The following CHTF18 variants were observed in gnomAD, a reference collection of about 807,000 sequenced individuals.
CHTF18 encodes the protein chromosome transmission fidelity protein 18 homolog.
In CHTF18, 151 loss-of-function variants were observed where a neutral mutation model predicts 113.4. The observed-to-expected ratio is 1.33, with a 90% confidence interval of 1.17 to 1.52. The LOEUF (loss-of-function observed/expected upper bound fraction) is 1.52, where lower values mean the gene tolerates loss of function less well. Among genes scored for constraint, CHTF18 ranks in the 40% most tolerant of loss-of-function variants. The pLI is 0.00. For synonymous variants in CHTF18, 916 were observed against 598.8 expected (o/e 1.53, Z -7.74); for missense variants, 1,982 against 1,381.6 (o/e 1.43, Z -6.89).
Position 791,202 on chromosome 16 carries a change from C to T in CHTF18, c.936C>T (p.Asp312=). Residue 312 remains aspartate, a synonymous_variant, in exon 8 of 22, where the codon GAC becomes GAT. Coordinates refer to ENST00000262315, the MANE Select transcript of CHTF18 (RefSeq NM_022092.3). The part of the protein sequence containing the change: ...RCLLKWLKLW[D]LVVFGHERPS... ...TGCTCAAGTGGCTGAAGTTGTGGGACCTGGTGGTGTTTGGCCACGAGAGGC... is the reference window on the plus strand; with the variant it reads ...TGCTCAAGTGGCTGAAGTTGTGGGATCTGGTGGTGTTTGGCCACGAGAGGC... 1 of 1,611,746 alleles carries T rather than the reference C, an allele frequency of 6.2e-7. No individual in the cohort carries two copies. The highest frequency in any genetic ancestry group is 8.5e-7 in the Non-Finnish European group (1 of 1,179,580).
At chr16:797,650 G>A (rs1368501015) in intron 20 of CHTF18, 44 bp from the exon 21 acceptor site, 2 of 1,600,460 alleles carry the variant, frequency 1.2e-6, no homozygotes, top group Admixed American at 1.7e-5. Flanking sequence ...GGGGCTGGAT[G>A]GGGCATCTGT....
chr16:788,987 C>T lies in CHTF18; in HGVS notation c.148C>T (p.Arg50Trp). 2.6e-6 allele frequency: 4 copies of T among 1,563,828 alleles called. No individual in the cohort carries two copies. The highest frequency in any genetic ancestry group is 1.8e-5 in the Admixed American group (1 of 55,232). Reference sequence around the variant, plus strand: ...CCTGTTCACCGCGGGCCGACCCCCGCGGACGTTCGAGGAGGCCCTTGCCAG... The same window carrying T: ...CCTGTTCACCGCGGGCCGACCCCCGTGGACGTTCGAGGAGGCCCTTGCCAG... ...VPLFTAGRPP[R>W]TFEEALARGD... Residue 50 changes from arginine (R) to tryptophan (W), a missense_variant, in exon 2 of 22, where the codon CGG becomes TGG. Transcript: ENST00000262315.
chr16:793,052 C>T lies in CHTF18; in HGVS notation c.1659C>T (p.Ile553=). 6.5e-7 allele frequency: 1 copy of T among 1,541,658 alleles called. No individual in the cohort carries two copies. The highest frequency in any genetic ancestry group is 8.8e-7 in the Non-Finnish European group (1 of 1,139,528). ...EKTDNDIRAC[I]NTLQFLYSRG... ...CTGACAATGACATCCGGGCCTGCAT[C>T]AACACCCTGCAGGTGGGCGGCCGGC... Residue 553 remains isoleucine (I), a synonymous_variant, in exon 13 of 22, where the codon ATC becomes ATT. Coordinates refer to ENST00000262315, the MANE Select transcript of CHTF18 (RefSeq NM_022092.3).
Position 791,314 on chromosome 16 carries a change from G to A in CHTF18, c.1048G>A (p.Val350Met). 2 of 1,610,454 alleles carry A rather than the reference G, an allele frequency of 1.2e-6. No homozygotes were observed. Among genetic ancestry groups the A allele is most frequent in the Middle Eastern group, 1.7e-4 (1 of 5,946 alleles). The change falls in exon 8 of 22, where the codon GTG (valine) becomes ATG (methionine). Residue 350 changes from valine (V) to methionine (M), a missense_variant. Transcript: ENST00000262315. ...AGGCAAGTGGAAGAGCCACGAACAG[G>A]TGCTGGAGGAGATGCTGGAGGCTGG... ...APGKWKSHEQ[V>M]LEEMLEAGLD... is the part of the protein sequence containing the mutation.
Position 798,022 on chromosome 16 carries a change from A to G in CHTF18, c.*47A>G. 6.3e-7 allele frequency: 1 copy of G among 1,576,646 alleles called. No homozygotes were observed. The highest frequency in any genetic ancestry group is 8.6e-7 in the Non-Finnish European group (1 of 1,160,024). On this transcript the variant is annotated 3_prime_UTR_variant, in exon 22 of 22. Transcript: ENST00000262315. ...CCTCGCATTGCTTCCCGCAGAGTGCAGAGACAGGAAGCTGGAGATGTCTTT... is the reference window on the plus strand; with the variant it reads ...CCTCGCATTGCTTCCCGCAGAGTGCGGAGACAGGAAGCTGGAGATGTCTTT...
Position 797,749 on chromosome 16 carries a change from C to G in CHTF18, c.2789C>G (p.Ala930Gly). The G allele has an allele frequency of 1.3e-6, 2 of 1,575,406 alleles. No homozygotes were observed. The highest frequency in any genetic ancestry group is 1.7e-6 in the Non-Finnish European group (2 of 1,169,782). ...VVVRSTAVPS[A>G]GDTAPEQDSV... Reference sequence around the variant, plus strand: ...GTCAGGAGCACAGCAGTCCCGAGTGCAGGTGTGTGTGGGGGTGTTGTGGGG... The same window carrying G: ...GTCAGGAGCACAGCAGTCCCGAGTGGAGGTGTGTGTGGGGGTGTTGTGGGG... Residue 930 changes from alanine (A) to glycine (G), a missense_variant and splice_region_variant, in exon 21 of 22, where the codon GCA becomes GGA. Ala to Gly is a moderately conservative substitution (Grantham distance 60). Transcript: ENST00000262315.
rs371218247 is a variant in CHTF18, at chr16:790,589, G to T, written c.817G>T (p.Gly273Cys). Reference protein sequence around the residue: ...LGAPEEEPTDGQDASSHCLWV... With the variant: ...LGAPEEEPTDCQDASSHCLWV... ...GGCCCCTGAGGAGGAGCCGACTGAC[G>T]GTCAAGACGCCTCCAGTCACTGCCT... is the stretch of plus-strand genomic sequence containing the variant. Residue 273 changes from glycine to cysteine, a missense_variant, in exon 7 of 22, where the codon GGT (glycine) becomes TGT (cysteine). Coordinates refer to ENST00000262315, the MANE Select transcript of CHTF18 (RefSeq NM_022092.3). 5 of 1,597,086 alleles carry T rather than the reference G, an allele frequency of 3.1e-6. No individual in the cohort carries two copies. Among genetic ancestry groups the T allele is most frequent in the South Asian group, 2.3e-5 (2 of 88,482 alleles).
rs2042359724 is a variant in CHTF18 at position 796,765 on chromosome 16, C to T, written c.2505C>T (p.Pro835=). 5 of 1,608,808 alleles carry T rather than the reference C, an allele frequency of 3.1e-6. No homozygotes were observed. Among genetic ancestry groups the T allele is most frequent in the Non-Finnish European group, 4.2e-6 (5 of 1,179,598 alleles). ...TCCCTGAGCTGCCTGCCCGCAAGCCCCTCACCTACCAGACGAAGCAGCTCA... is the reference window on the plus strand; with the variant it reads ...TCCCTGAGCTGCCTGCCCGCAAGCCTCTCACCTACCAGACGAAGCAGCTCA... ...CRFPELPARK[P]LTYQTKQLIA... is the part of the protein sequence containing the mutation. Residue 835 remains proline (P), a synonymous_variant, in exon 19 of 22, where the codon CCC becomes CCT. Coordinates refer to ENST00000262315, the MANE Select transcript of CHTF18 (RefSeq NM_022092.3).
In CHTF18 at chr16:789,121, C is replaced by G. The variant is rs912543496; in HGVS notation, c.282C>G (p.Pro94=). 1 of 1,541,816 alleles carries G rather than the reference C, an allele frequency of 6.5e-7. No individual in the cohort carries two copies. Among genetic ancestry groups the G allele is most frequent in the South Asian group, 1.2e-5 (1 of 83,456 alleles). The change falls in exon 2 of 22, where the codon CCC becomes CCG. Residue 94 remains proline (P), a synonymous_variant. Transcript: ENST00000262315. ...DADLQPAGSL[P]HAPRIKRPRL... ...ACCTGCAGCCGGCCGGGTCCCTGCCCCACGGTAGGTTGGCGGCATTGCCCC... is the reference window on the plus strand; with the variant it reads ...ACCTGCAGCCGGCCGGGTCCCTGCCGCACGGTAGGTTGGCGGCATTGCCCC...
chr16:789,795 C>G, intron 4 of CHTF18, 80 bp downstream of exon 4: 1 of 1,447,942 alleles, frequency 6.9e-7, no homozygotes, highest in South Asian at 1.4e-5. Flanking sequence ...TCACCCCTGC[C>G]ATTTGCTTAA....
intron 3 of CHTF18, 39 bp from the exon 4 acceptor site, chr16:789,508 C>T (rs544335634): frequency 1.5e-5 from 24 of 1,564,730 alleles, no homozygotes; most frequent in Middle Eastern, 1.7e-4. Flanking sequence ...GGTGACCCCA[C>T]GCTTGAGTTT....
Position 792,947 on chromosome 16 carries a change from A to T in CHTF18, c.1573-19A>T, listed in dbSNP as rs779904206. 101 of 1,549,668 alleles carry T rather than the reference A, an allele frequency of 6.5e-5. No homozygotes were observed. The East Asian group carries it at 2.4e-3, about 37-fold the overall frequency. Reference sequence around the variant, plus strand: ...GATGGGGCATACCATCGGGCCCTCCAGCAGCCCTTCTCCACCAGGTCTCCC... The same window carrying T: ...GATGGGGCATACCATCGGGCCCTCCTGCAGCCCTTCTCCACCAGGTCTCCC... On this transcript the variant is annotated intron_variant, in intron 12 of 21. Transcript: ENST00000262315.
intron 15 of CHTF18, 53 bp downstream of exon 15, chr16:794,254 G>C: frequency 1.3e-6 from 2 of 1,581,950 alleles, no homozygotes; most frequent in African/African-American, 1.3e-5. Context: ...TAGGACCTGG[G>C]CTGTGCCCCT....
chr16:795,020 G>A (rs576307974), intron 15 of CHTF18, 112 bp from the exon 16 acceptor site: 18 of 877,136 alleles, frequency 2.1e-5, no homozygotes, highest in South Asian at 8.3e-5. Context: ...GCGAAGCCTC[G>A]TGGGGCAGGC....
In CHTF18 at chr16:789,543, C is replaced by T. The variant is rs754078755; in HGVS notation, c.438-4C>T. On this transcript the variant is annotated splice_polypyrimidine_tract_variant and splice_region_variant and intron_variant, in intron 3 of 21. Transcript: ENST00000262315. ...TCTGCCACTGAGCCCCGGTCTCTCT[C>T]CAGAGTCTCAGAAGCTGCTGCCGAC... 8 of 1,596,212 alleles carry T rather than the reference C, an allele frequency of 5.0e-6. No homozygotes were observed. The highest frequency in any genetic ancestry group is 2.2e-5 in the East Asian group (1 of 44,658).
rs1460616243 is a variant in CHTF18, at chr16:789,494, C to T, written c.438-53C>T. On this transcript the variant is annotated intron_variant, in intron 3 of 21. Coordinates refer to ENST00000262315, the MANE Select transcript of CHTF18 (RefSeq NM_022092.3). ...GAGAGCAGTCTCGGACACCCATATC[C>T]AAGGGTGACCCCACGCTTGAGTTTC... The T allele has an allele frequency of 1.5e-5, 23 of 1,554,500 alleles. No homozygotes were observed. The South Asian group carries it at 2.1e-4, about 14-fold the overall frequency.
At chr16:789,997 C>A (rs1350523545) in intron 4 of CHTF18, 180 bp from the exon 5 acceptor site, 1 of 1,535,280 alleles carries the variant, frequency 6.5e-7, no homozygotes, top group South Asian at 1.2e-5. Context: ...CCCCCAATTT[C>A]CCTTTGCAGC....
rs748707194 is a variant in CHTF18 at position 797,037 on chromosome 16, G to A, written c.2678G>A (p.Arg893His). 15 of 1,560,736 alleles carry A rather than the reference G, an allele frequency of 9.6e-6. No homozygotes were observed. Among genetic ancestry groups the A allele is most frequent in the African/African-American group, 6.8e-5 (5 of 73,310 alleles). The change falls in exon 20 of 22, where the codon CGC (arginine) becomes CAC (histidine). Residue 893 changes from arginine (R) to histidine (H), a missense_variant. Coordinates refer to ENST00000262315, the MANE Select transcript of CHTF18 (RefSeq NM_022092.3). ...AAAGGGGTGCACCGACCTGCCCCAC[G>A]CAACCATGAGCAGCGGCTGGAGCAC... is the stretch of plus-strand genomic sequence containing the variant. ...GEKGVHRPAPRNHEQRLEHIM... is the reference protein window; with the variant it reads ...GEKGVHRPAPHNHEQRLEHIM...
At chr16:789,854 A>T (rs923228469) in intron 4 of CHTF18, 139 bp downstream of exon 4, 10 of 1,320,616 alleles carry the variant, frequency 7.6e-6, no homozygotes, top group African/African-American at 7.3e-5. Flanking sequence ...AGGCTGCGTC[A>T]TGGGGCGTAG....
Sources: gnomAD v4.1 joint callset for allele counts on GRCh38, gnomAD v4.1.1 for gene constraint, MANE v1.5 for transcripts, NCBI Gene and HGNC (gene_info 2026-07-23, HGNC 2026-07-21) for gene names.